Variants in NRXN1 observed in about 807,000 individuals in gnomAD.
The protein encoded by NRXN1 is neurexin-1.
In NRXN1, 39 loss-of-function variants were observed where a neutral mutation model predicts 150.9. That is an observed-to-expected ratio of 0.26 (90% confidence interval 0.20 to 0.34). NRXN1 has a LOEUF of 0.34. Among genes scored for constraint, NRXN1 ranks in the 10% least tolerant of loss-of-function variants. The pLI is 1.00. For missense variants in NRXN1, 1,815 were observed against 1,949.9 expected (o/e 0.93, Z 1.30); for synonymous variants, 924 against 757.0 (o/e 1.22, Z -3.62).
At chr2:50,360,547 C>G (rs539770194) in intron 17 of NRXN1, among the ~76,000 whole-genome samples, 147 of 152,266 alleles carry the variant, frequency 9.7e-4, no homozygotes, top group Non-Finnish European at 1.4e-3. Context: ...GGAATCAATG[C>G]AACAAGAACA....
intron 17 of NRXN1, among the ~76,000 whole-genome samples, chr2:50,272,826 T>C (rs1025946554): frequency 6.6e-6 from 1 of 152,024 alleles, no homozygotes; most frequent in African/African-American, 2.4e-5. Flanking sequence ...GATTGCCACA[T>C]AAACACATTC....
intron 15 of NRXN1, among the ~76,000 whole-genome samples, chr2:50,493,582 AC>A (rs2091389123): frequency 6.6e-6 from 1 of 152,088 alleles, no homozygotes; most frequent in Non-Finnish European, 1.5e-5. Context: ...AGCCACCCTT[AC>A]CCAAAGTGGT....
In NRXN1 at chr2:50,122,735, A is replaced by T. The variant is rs75349394; in HGVS notation, c.3547-31241T>A. On this transcript the variant is annotated intron_variant, in intron 18 of 22. Coordinates refer to ENST00000401669, the MANE Select transcript of NRXN1 (RefSeq NM_001330078.2). The stretch of plus-strand genomic sequence containing the variant: ...GAGAAATCTGACTTTTCTTTTCAAA[A>T]ATGGGAACGAGTGTATTCTTGCTAT... 2.6e-3 allele frequency among the ~76,000 whole-genome samples: 395 copies of T among 152,342 alleles called. 1 individual carries two copies. The highest frequency in any genetic ancestry group is 9.3e-3 in the African/African-American group (385 of 41,586).
intron 15 of NRXN1, among the ~76,000 whole-genome samples, chr2:50,477,707 T>C (rs762627825): frequency 1.3e-5 from 2 of 152,234 alleles, no homozygotes; most frequent in Non-Finnish European, 2.9e-5. Context: ...AAAGGACAAT[T>C]GCCTTATAGA....
At chr2:50,278,261 A>ATATATATTATATG (rs1558437038) in intron 17 of NRXN1, among the ~76,000 whole-genome samples, 4 of 103,902 alleles carry the variant, frequency 3.8e-5, no homozygotes, top group African/African-American at 1.2e-4. Flanking sequence ...TATATTATAT[A>ATATATATTATATG]TATTATATAT....
At chr2:50,388,283 C>T (rs779294046) in intron 17 of NRXN1, among the ~76,000 whole-genome samples, 1 of 152,106 alleles carries the variant, frequency 6.6e-6, no homozygotes, top group Non-Finnish European at 1.5e-5. Context: ...CTGATATCAA[C>T]CAACACAAAC....
chr2:50,995,485 G>T (rs1369090030), intron 2 of NRXN1, among the ~76,000 whole-genome samples: 13 of 151,726 alleles, frequency 8.6e-5, no homozygotes. Context: ...CACACCTGTA[G>T]TCCCAACTAC....
chr2:50,556,284 T>C (rs1412475106), intron 8 of NRXN1, among the ~76,000 whole-genome samples: 3 of 152,132 alleles, frequency 2.0e-5, no homozygotes, highest in South Asian at 2.1e-4. Flanking sequence ...TAAAAATTCA[T>C]GTGTAAGCTA....
At chr2:51,015,854 A>G (rs1668592510) in intron 2 of NRXN1, among the ~76,000 whole-genome samples, 2 of 151,876 alleles carry the variant, frequency 1.3e-5, no homozygotes, top group Admixed American at 1.3e-4. Context: ...CTTACAAGTT[A>G]CCATTTGAAA....
chr2:50,131,627 G>C (rs1376100176), intron 18 of NRXN1, among the ~76,000 whole-genome samples: 1 of 152,190 alleles, frequency 6.6e-6, no homozygotes, highest in Admixed American at 6.5e-5. Flanking sequence ...AAAGTGCAGA[G>C]CAGTTTTCAT....
intron 16 of NRXN1, among the ~76,000 whole-genome samples, chr2:50,471,287 C>T (rs929558659): frequency 6.6e-6 from 1 of 151,598 alleles, no homozygotes; most frequent in Non-Finnish European, 1.5e-5. Flanking sequence ...TCCAATGTCC[C>T]TTATACCATG....
chr2:50,960,211 G>A (rs1388662565), intron 2 of NRXN1, among the ~76,000 whole-genome samples: 1 of 151,930 alleles, frequency 6.6e-6, no homozygotes, highest in African/African-American at 2.4e-5. Flanking sequence ...GAGAACAACA[G>A]ATCTGCCTCC....
At chr2:50,768,801 A>C (rs538396204) in intron 5 of NRXN1, among the ~76,000 whole-genome samples, 3 of 151,298 alleles carry the variant, frequency 2.0e-5, no homozygotes, top group African/African-American at 7.3e-5. Context: ...ATAGCTCACA[A>C]CTCCCTCAAC....
At chr2:50,483,046 G>A (rs775036954) in intron 15 of NRXN1, among the ~76,000 whole-genome samples, 90 of 71,194 alleles carry the variant, frequency 1.3e-3, no homozygotes, top group Non-Finnish European at 1.7e-3. Context: ...GAGAGACTCC[G>A]TGTCAAAAAA....
At chr2:50,560,994 G>A (rs537568921) in intron 8 of NRXN1, among the ~76,000 whole-genome samples, 10 of 152,134 alleles carry the variant, frequency 6.6e-5, no homozygotes, top group Non-Finnish European at 1.3e-4. Flanking sequence ...AAATTGGAGA[G>A]GGAAAAAACA....
intron 17 of NRXN1, among the ~76,000 whole-genome samples, chr2:50,379,007 G>C (rs896653296): frequency 6.6e-6 from 1 of 152,088 alleles, no homozygotes; most frequent in Non-Finnish European, 1.5e-5. Context: ...CATGGGTGTA[G>C]TCCCAGCCCT....
intron 18 of NRXN1, among the ~76,000 whole-genome samples, chr2:50,145,125 A>C (rs193166863): frequency 1.2e-4 from 18 of 151,920 alleles, no homozygotes; most frequent in African/African-American, 1.7e-4. Context: ...TACTGTTTAA[A>C]AAACCTTTAG....
chr2:50,165,370 A>C (rs2152793378), intron 18 of NRXN1, among the ~76,000 whole-genome samples: 1 of 152,180 alleles, frequency 6.6e-6, no homozygotes, highest in South Asian at 2.1e-4. Context: ...TTTTCTTTAG[A>C]CACAGTCTCA....
intron 5 of NRXN1, among the ~76,000 whole-genome samples, chr2:50,846,001 G>C (rs547700264): frequency 6.6e-6 from 1 of 152,300 alleles, no homozygotes; most frequent in African/African-American, 2.4e-5. Flanking sequence ...TGGCTTTAGA[G>C]ATTACTGTTT....
Sources: allele counts gnomAD v4.1 joint callset (sites outside exome capture counted in the v4.1 genomes callset), GRCh38; gene constraint gnomAD v4.1.1; transcripts MANE v1.5; gene names NCBI Gene and HGNC (gene_info 2026-07-23, HGNC 2026-07-21).